The following NTSR1 variants were observed in gnomAD, a reference collection of about 807,000 sequenced individuals.
The protein encoded by NTSR1 is neurotensin receptor type 1.
Under a neutral mutation model 31.2 loss-of-function variants are expected in NTSR1, and 29 were observed. The observed-to-expected ratio is 0.93, with a 90% CI of 0.69 to 1.27. NTSR1 has a LOEUF of 1.27. Ranked by LOEUF, NTSR1 falls within the 50% of genes most tolerant of loss-of-function variation. NTSR1 has a pLI of 0.00. For missense variants in NTSR1, 697 were observed against 595.4 expected, an observed-to-expected ratio of 1.17 and a Z score of -1.78; for synonymous variants, 282 against 269.9, an observed-to-expected ratio of 1.04 and a Z score of -0.44.
Position 62,709,590 on chromosome 20 carries a change from T to C in NTSR1, c.383T>C (p.Ile128Thr). The C allele has an allele frequency of 1.2e-6, 2 of 1,611,618 alleles. No homozygotes were observed. Among genetic ancestry groups the C allele is most frequent in the East Asian group, 2.2e-5 (1 of 44,860 alleles). ...LAMPVELYNF[I>T]WVHHPWAFGD... ...ATGCCCGTGGAGCTGTACAACTTCATCTGGGTGCACCACCCCTGGGCCTTC... is the reference window on the plus strand; with the variant it reads ...ATGCCCGTGGAGCTGTACAACTTCACCTGGGTGCACCACCCCTGGGCCTTC... The change falls in exon 1 of 4, where the codon ATC becomes ACC. Residue 128 changes from isoleucine to threonine, a missense_variant. By Grantham distance (89) the Ile-to-Thr change is moderately conservative. Transcript: ENST00000370501.
intron 1 of NTSR1, among the ~76,000 whole-genome samples, chr20:62,726,816 C>T (rs73313154): frequency 4.5e-4 from 69 of 152,324 alleles, no homozygotes; most frequent in African/African-American, 1.3e-3. Flanking sequence ...AGCCTGGCCC[C>T]GGCCGCGTTA....
chr20:62,716,955 G>T (rs1988739287), intron 1 of NTSR1, among the ~76,000 whole-genome samples: 1 of 152,236 alleles, frequency 6.6e-6, no homozygotes, highest in Admixed American at 6.5e-5. Flanking sequence ...GTTTGACCTT[G>T]CCATCGCCAG....
chr20:62,756,741 T>G (rs1600738357), intron 2 of NTSR1: 1 of 152,264 alleles, frequency 6.6e-6, no homozygotes, highest in East Asian at 1.9e-4. Flanking sequence ...CCAAGGTGTG[T>G]CCTGGTCCCA....
At chr20:62,721,561 C>T (rs1988828097) in intron 1 of NTSR1, among the ~76,000 whole-genome samples, 1 of 152,232 alleles carries the variant, frequency 6.6e-6, no homozygotes, top group African/African-American at 2.4e-5. Flanking sequence ...GCTGTTCAGC[C>T]ATTCCACATG....
chr20:62,710,666 G>A (rs534801458), intron 1 of NTSR1, among the ~76,000 whole-genome samples: 5 of 152,288 alleles, frequency 3.3e-5, no homozygotes, highest in East Asian at 1.9e-4. Context: ...TGAGCAAAGC[G>A]CCGTGGGAAT....
At position 62,727,235 on chromosome 20, in the gene NTSR1, G is replaced by A. The variant is rs1447081580; in HGVS notation, c.714+17314G>A. Among the ~76,000 whole-genome samples, 37 of 152,300 alleles carry A rather than the reference G, an allele frequency of 2.4e-4. 1 individual carries two copies. Among genetic ancestry groups the A allele is most frequent in the Non-Finnish European group, 7.4e-5 (5 of 67,996 alleles). On this transcript the variant is annotated intron_variant, in intron 1 of 3. Transcript: ENST00000370501. ...GAGCCGGGCTCCTGCAGGCTCCCCG[G>A]CCCCACAGACCTGTCACCACGTAGA...
Position 62,716,931 on chromosome 20 carries a change from C to T in NTSR1, c.714+7010C>T, listed in dbSNP as rs1048470389. ...GTCTCAGAGACCCCCACTGTTCCCC[C>T]GCCATGCCCTGGAGTTTGACCTTGC... On this transcript the variant is annotated intron_variant, in intron 1 of 3. Transcript: ENST00000370501. Among the ~76,000 whole-genome samples, 13 of 152,376 alleles carry T rather than the reference C, an allele frequency of 8.5e-5. 2 individuals carry two copies. The highest frequency in any genetic ancestry group is 7.2e-4 in the Admixed American group (11 of 15,310).
In NTSR1 at chr20:62,709,362, G is replaced by A; in HGVS notation, c.155G>A (p.Ser52Asn). ...ASERVLAAPS[S>N]ELDVNTDIYS... is the part of the protein sequence containing the mutation. ...GAGCGCGTCCTGGCGGCACCCAGCAGCGAGCTGGACGTGAACACCGACATC... is the reference window on the plus strand; with the variant it reads ...GAGCGCGTCCTGGCGGCACCCAGCAACGAGCTGGACGTGAACACCGACATC... Residue 52 changes from serine to asparagine, a missense_variant, in exon 1 of 4, where the codon AGC becomes AAC. By Grantham distance (46) the Ser-to-Asn change is conservative (BLOSUM62 1). Coordinates refer to ENST00000370501, the MANE Select transcript of NTSR1 (RefSeq NM_002531.3). 6.2e-7 allele frequency: 1 copy of A among 1,609,824 alleles called. No individual in the cohort carries two copies. Among genetic ancestry groups the A allele is most frequent in the Non-Finnish European group, 8.5e-7 (1 of 1,178,174 alleles).
At chr20:62,759,659 C>G (rs1989576779) in intron 3 of NTSR1, among the ~76,000 whole-genome samples, 1 of 151,954 alleles carries the variant, frequency 6.6e-6, no homozygotes, top group Admixed American at 6.6e-5. Context: ...CCTGTAGTCC[C>G]AGCTACTCGG....
At chr20:62,753,621 A>T (rs1657646596) in intron 1 of NTSR1, among the ~76,000 whole-genome samples, 1 of 152,240 alleles carries the variant, frequency 6.6e-6, no homozygotes, top group Middle Eastern at 3.2e-3. Context: ...CCGGCACAGG[A>T]TCGAACCCGC....
Position 62,758,332 on chromosome 20 carries a change from A to G in NTSR1, c.983A>G (p.Tyr328Cys), listed in dbSNP as rs1193786280. The G allele has an allele frequency of 6.2e-7, 1 of 1,613,548 alleles. No homozygotes were observed. The highest frequency in any genetic ancestry group is 8.5e-7 in the Non-Finnish European group (1 of 1,179,844). The change falls in exon 3 of 4, where the codon TAC becomes TGC. Residue 328 changes from tyrosine (Y) to cysteine (C), a missense_variant. Physicochemically the swap from Tyr to Cys is radical, Grantham distance 194 (BLOSUM62 -2). Transcript: ENST00000370501. The surrounding 1 kb of genome is among the most constrained non-coding windows in gnomAD (Gnocchi z 4.5). Reference sequence around the variant, plus strand: ...CACGTGCGGCGCCTCATGTTCTGCTACATCTCGGATGAGCAGTGGACTCCG... The same window carrying G: ...CACGTGCGGCGCCTCATGTTCTGCTGCATCTCGGATGAGCAGTGGACTCCG... ...PYHVRRLMFC[Y>C]ISDEQWTPFL...
chr20:62,725,511 T>TA (rs1988891777), intron 1 of NTSR1, among the ~76,000 whole-genome samples: 1 of 152,220 alleles, frequency 6.6e-6, no homozygotes, highest in African/African-American at 2.4e-5. Flanking sequence ...TCTTGCTCCC[T>TA]GGGGGATAAG....
Position 62,744,126 on chromosome 20 carries a change from C to T in NTSR1, c.715-10559C>T, listed in dbSNP as rs145838560. On this transcript the variant is annotated intron_variant, in intron 1 of 3. Coordinates refer to ENST00000370501, the MANE Select transcript of NTSR1 (RefSeq NM_002531.3). The surrounding 1 kb of genome is among the most constrained non-coding windows in gnomAD (Gnocchi z 4.1). ...CCATAGGTCCAGCCCCACCAGCCGT[C>T]GCCCCAGCGTGTCCCATCCCAGCCT... Among the ~76,000 whole-genome samples the T allele has an allele frequency of 5.4e-3, 824 of 152,348 alleles. 16 individuals carry two copies. Among genetic ancestry groups the T allele is most frequent in the South Asian group, 0.048 (233 of 4,832 alleles).
chr20:62,759,889 A>G (rs1989583873), intron 3 of NTSR1, 129 bp from the exon 4 acceptor site: 2 of 857,962 alleles, frequency 2.3e-6, no homozygotes, highest in East Asian at 4.9e-5. Context: ...CCAAACAACC[A>G]TTCTCAAGGG....
chr20:62,709,660 C>T lies in NTSR1; in HGVS notation c.453C>T (p.Cys151=). The T allele has an allele frequency of 1.2e-6, 2 of 1,612,670 alleles. No individual in the cohort carries two copies. Among genetic ancestry groups the T allele is most frequent in the Non-Finnish European group, 1.7e-6 (2 of 1,179,906 alleles). The part of the protein sequence containing the change: ...CRGYYFLRDA[C]TYATALNVAS... The stretch of plus-strand genomic sequence containing the variant: ...GCTACTACTTCCTGCGCGACGCCTG[C>T]ACCTACGCCACGGCCCTCAACGTGG... Residue 151 remains cysteine (C), a synonymous_variant, in exon 1 of 4, where the codon TGC becomes TGT. Coordinates refer to ENST00000370501, the MANE Select transcript of NTSR1 (RefSeq NM_002531.3).
chr20:62,749,074 G>A (rs1303058156), intron 1 of NTSR1, among the ~76,000 whole-genome samples: 1 of 152,142 alleles, frequency 6.6e-6, no homozygotes, highest in African/African-American at 2.4e-5. Flanking sequence ...TAGACACAAG[G>A]GCACCAATAC....
chr20:62,749,154 A>G (rs1989350350), intron 1 of NTSR1, among the ~76,000 whole-genome samples: 1 of 152,182 alleles, frequency 6.6e-6, no homozygotes, highest in Non-Finnish European at 1.5e-5. Flanking sequence ...AGAGAATGAA[A>G]TTGTAGGCCG....
chr20:62,710,170 G>A (rs548319807), intron 1 of NTSR1, among the ~76,000 whole-genome samples: 107 of 152,304 alleles, frequency 7.0e-4, no homozygotes, highest in Non-Finnish European at 3.8e-4. Flanking sequence ...GCTGGGCCTC[G>A]GACATCTCTG....
intron 1 of NTSR1, among the ~76,000 whole-genome samples, chr20:62,737,928 T>C (rs1989127658): frequency 1.2e-5 from 1 of 85,538 alleles, no homozygotes. Flanking sequence ...ACAGATGCCC[T>C]TCAGCCCTGC....
Sources: gnomAD v4.1 joint callset for allele counts (sites outside exome capture counted in the v4.1 genomes callset) on GRCh38, gnomAD v4.1.1 for gene constraint, Gnocchi (gnomAD v3.1) non-coding constraint, MANE v1.5 for transcripts, NCBI Gene and HGNC (gene_info 2026-07-23, HGNC 2026-07-21) for gene names.